The following HELQ variants were observed in gnomAD, a reference collection of about 807,000 sequenced individuals.
The protein encoded by HELQ is helicase, POLQ like.
HELQ carries 77 observed loss-of-function variants against 111.6 expected under a neutral mutation model. The observed-to-expected ratio is 0.69, with a 90% CI of 0.57 to 0.83. The LOEUF (loss-of-function observed/expected upper bound fraction) is 0.83, where lower values mean the gene tolerates loss of function less well. Ranked by LOEUF, HELQ falls within the 40% of genes least tolerant of loss-of-function variation. The pLI, the probability that HELQ is intolerant of heterozygous loss-of-function variation, is 0.00. For missense variants in HELQ, 1,200 were observed against 1,288.5 expected, an observed-to-expected ratio of 0.93 and a Z score of 1.05; for synonymous variants, 438 against 454.7, an observed-to-expected ratio of 0.96 and a Z score of 0.47.
rs771651057 is a variant in HELQ at position 83,453,316 on chromosome 4, T to C, written c.927A>G (p.Ser309=). 2 of 1,613,968 alleles carry C rather than the reference T, an allele frequency of 1.2e-6. No homozygotes were observed. Among genetic ancestry groups the C allele is most frequent in the Non-Finnish European group, 1.7e-6 (2 of 1,179,874 alleles). The change falls in exon 2 of 18, where the codon TCA becomes TCG. Residue 309 remains serine, a synonymous_variant. Transcript: ENST00000295488. ...AATAAAAAGGACCAAGGTCATTTGA[T>C]GATGACTCAACTGTTTTCTTAGCAA... ...INVAKKTVES[S]SNDLGPFYSL... is the part of the protein sequence containing the mutation.
Position 83,432,270 on chromosome 4 carries a change from G to T in HELQ, c.2049-3C>A. The T allele has an allele frequency of 6.5e-7, 1 of 1,533,004 alleles. No homozygotes were observed. The allele number at this position is 1,533,004 out of a possible 1,614,324, so 95.0% of individuals were successfully genotyped here. Reference sequence around the variant, plus strand: ...CATAGGGAGCTCTTAAAATAACTCTGTGGAATTAATGAAAAATGATACTCT... The same window carrying T: ...CATAGGGAGCTCTTAAAATAACTCTTTGGAATTAATGAAAAATGATACTCT... On this transcript the variant is annotated splice_polypyrimidine_tract_variant and splice_region_variant and intron_variant, in intron 9 of 17. Transcript: ENST00000295488.
Position 83,432,275 on chromosome 4 carries a change from A to G in HELQ, c.2049-8T>C, listed in dbSNP as rs910480678. On this transcript the variant is annotated splice_polypyrimidine_tract_variant and splice_region_variant and intron_variant, in intron 9 of 17. Transcript: ENST00000295488. ...GGAGCTCTTAAAATAACTCTGTGGAATTAATGAAAAATGATACTCTACAGC... is the reference window on the plus strand; with the variant it reads ...GGAGCTCTTAAAATAACTCTGTGGAGTTAATGAAAAATGATACTCTACAGC... The G allele has an allele frequency of 2.0e-6, 3 of 1,531,108 alleles. No homozygotes were observed. The highest frequency in any genetic ancestry group is 2.6e-6 in the Non-Finnish European group (3 of 1,140,746). 94.8% of individuals were successfully genotyped at this position (1,531,108 alleles called of 1,614,324 possible).
At chr4:83,445,132 T>C (rs975725542) in intron 5 of HELQ, among the ~76,000 whole-genome samples, 8 of 152,130 alleles carry the variant, frequency 5.3e-5, no homozygotes, top group Admixed American at 3.9e-4. Context: ...TGGAGAGTGG[T>C]GGCTGAGAAT....
At chr4:83,427,511 T>G in intron 13 of HELQ, 52 bp downstream of exon 13, 2 of 1,394,348 alleles carry the variant, frequency 1.4e-6, no homozygotes, top group South Asian at 3.2e-5. Flanking sequence ...CAAAACAGCA[T>G]GTAATAATTC....
At chr4:83,424,050 T>C (rs922996129) in intron 14 of HELQ, among the ~76,000 whole-genome samples, 2 of 152,212 alleles carry the variant, frequency 1.3e-5, no homozygotes, top group African/African-American at 4.8e-5. Context: ...TTTAAAAAAT[T>C]ATACCTCCAA....
At chr4:83,454,657 G>A (rs1215155192) in intron 1 of HELQ, among the ~76,000 whole-genome samples, 1 of 151,680 alleles carries the variant, frequency 6.6e-6, no homozygotes, top group Non-Finnish European at 1.5e-5. Flanking sequence ...GAACTTCTGG[G>A]CTTAAGTGAT....
chr4:83,431,519 A>T, intron 11 of HELQ, 145 bp downstream of exon 11: 1 of 314,926 alleles, frequency 3.2e-6, no homozygotes, highest in Non-Finnish European at 5.7e-6. Context: ...AAACAAAATT[A>T]AAAAGAAAAA....
chr4:83,435,973 CA>C (rs5859872), intron 9 of HELQ, among the ~76,000 whole-genome samples: 72,807 of 142,428 alleles, frequency 0.51, 17,994 homozygotes, highest in East Asian at 0.68. Context: ...ACATACGTGG[CA>C]AAAAAAAAAA....
intron 3 of HELQ, among the ~76,000 whole-genome samples, chr4:83,448,195 G>A (rs774369085): frequency 4.6e-5 from 7 of 151,884 alleles, no homozygotes; most frequent in Non-Finnish European, 7.4e-5. Context: ...GGGCGACAGA[G>A]GGAGACTACA....
chr4:83,447,162 A>G (rs868789685), intron 3 of HELQ, 127 bp from the exon 4 acceptor site: 12 of 626,280 alleles, frequency 1.9e-5, no homozygotes, highest in Middle Eastern at 8.4e-4. Flanking sequence ...AGCCTGGGCA[A>G]CACAGTGAGA....
Position 83,421,543 on chromosome 4 carries a change from C to A in HELQ, c.2949+20G>T. On this transcript the variant is annotated intron_variant, in intron 15 of 17. Coordinates refer to ENST00000295488, the MANE Select transcript of HELQ (RefSeq NM_133636.5). ...ACCAGAAGATGCACAAAGTACATAT[C>A]ATATATTCAATGAAATTACCTCACA... 6.3e-7 allele frequency: 1 copy of A among 1,591,590 alleles called. No individual in the cohort carries two copies. Among genetic ancestry groups the A allele is most frequent in the South Asian group, 1.1e-5 (1 of 90,168 alleles).
chr4:83,453,245 A>C lies in HELQ; in HGVS notation c.998T>G (p.Ile333Ser). 5 of 1,597,626 alleles carry C rather than the reference A, an allele frequency of 3.1e-6. No individual in the cohort carries two copies. Among genetic ancestry groups the C allele is most frequent in the Non-Finnish European group, 4.3e-6 (5 of 1,175,156 alleles). The change falls in exon 2 of 18, where the codon ATT (isoleucine) becomes AGT (serine). Residue 333 changes from isoleucine to serine, a missense_variant. By Grantham distance (142) the Ile-to-Ser change is moderately radical. Transcript: ENST00000295488. ...AAAAGCATTACCATATAATTTTTCA[A>C]TTCCCTTGAATTGGGCATAAAGGTC... ...VRDLYAQFKG[I>S]EKLYEWQHTC...
At chr4:83,422,226 T>C (rs1483849829) in intron 14 of HELQ, among the ~76,000 whole-genome samples, 1 of 151,780 alleles carries the variant, frequency 6.6e-6, no homozygotes, top group Non-Finnish European at 1.5e-5. Flanking sequence ...CTCAAAAAAA[T>C]AAAAATAAAA....
intron 8 of HELQ, among the ~76,000 whole-genome samples, chr4:83,438,272 T>C (rs7683064): frequency 0.078 from 11,876 of 152,154 alleles, 1,545 homozygotes; most frequent in African/African-American, 0.27. Flanking sequence ...AAACCACACA[T>C]GGGACAAACA....
In HELQ at chr4:83,431,749, T is replaced by A; in HGVS notation, c.2210A>T (p.Lys737Ile). The part of the protein sequence containing the change: ...DKQQVLELIT[K>I]PLENCYSHLV... ...ATGGCTGTAACAGTTTTCCAATGGT[T>A]TAGTTATTAACTCCAATACCTATAA... Residue 737 changes from lysine (K) to isoleucine (I), a missense_variant, in exon 11 of 18, where the codon AAA becomes ATA. Physicochemically the swap from Lys to Ile is moderately radical, Grantham distance 102. This residue lies in a region of HELQ where 585 missense variants were observed against 665.3 expected (regional missense o/e 0.88). Coordinates refer to ENST00000295488, the MANE Select transcript of HELQ (RefSeq NM_133636.5). The A allele has an allele frequency of 2.0e-6, 3 of 1,520,076 alleles. No individual in the cohort carries two copies. Among genetic ancestry groups the A allele is most frequent in the Non-Finnish European group, 2.7e-6 (3 of 1,126,322 alleles). The allele number at this position is 1,520,076 out of a possible 1,614,324, so 94.2% of individuals were successfully genotyped here.
Position 83,432,172 on chromosome 4 carries a change from G to C in HELQ, c.2144C>G (p.Thr715Ser). 1 of 1,601,320 alleles carries C rather than the reference G, an allele frequency of 6.2e-7. No individual in the cohort carries two copies. The highest frequency in any genetic ancestry group is 8.5e-7 in the Non-Finnish European group (1 of 1,173,792). Residue 715 changes from threonine (T) to serine (S), a missense_variant, in exon 10 of 18, where the codon ACT becomes AGT. Transcript: ENST00000295488. ...CAATATGAGGATACTCTCCCCAATA[G>C]TATCTATTCCAGCACGACCAGCTCT... is the stretch of plus-strand genomic sequence containing the variant. ...IGRAGRAGID[T>S]IGESILILQE...
At chr4:83,439,839 G>C (rs762747063) in intron 8 of HELQ, 24 bp downstream of exon 8, 2 of 1,402,126 alleles carry the variant, frequency 1.4e-6, no homozygotes, top group Non-Finnish European at 2.0e-6. Context: ...AATAAAACAG[G>C]CTATTTAAAA....
chr4:83,446,242 C>G (rs1721040528), intron 4 of HELQ, among the ~76,000 whole-genome samples, 156 bp from the exon 5 acceptor site: 1 of 152,078 alleles, frequency 6.6e-6, no homozygotes, highest in South Asian at 2.1e-4. Context: ...TATTATTTCA[C>G]TGGTATTTAG....
At position 83,448,818 on chromosome 4, in the gene HELQ, T is replaced by G; in HGVS notation, c.1156A>C (p.Met386Leu). The G allele has an allele frequency of 6.2e-7, 1 of 1,613,860 alleles. No homozygotes were observed. The highest frequency in any genetic ancestry group is 8.5e-7 in the Non-Finnish European group (1 of 1,179,920). ...ACAATTGCCACATATGGAAGAATCATTAAAACATCTTTCCGACAGCAAAGC... is the reference window on the plus strand; with the variant it reads ...ACAATTGCCACATATGGAAGAATCAGTAAAACATCTTTCCGACAGCAAAGC... ...ELLCCRKDVLMILPYVAIVQE... is the reference protein window; with the variant it reads ...ELLCCRKDVLLILPYVAIVQE... Residue 386 changes from methionine (M) to leucine (L), a missense_variant, in exon 3 of 18, where the codon ATG becomes CTG. Transcript: ENST00000295488.
Sources: allele counts gnomAD v4.1 joint callset (sites outside exome capture counted in the v4.1 genomes callset), GRCh38; gene constraint gnomAD v4.1.1; regional missense constraint gnomAD v4.1.1; transcripts MANE v1.5; gene names NCBI Gene and HGNC (gene_info 2026-07-23, HGNC 2026-07-21).